The following TMEM108 variants were observed in gnomAD, a reference collection of about 807,000 sequenced individuals.
TMEM108 encodes transmembrane protein 108.
TMEM108 carries 12 observed loss-of-function variants against 35.1 expected under a neutral mutation model. The ratio of observed to expected loss-of-function variants is 0.34; its 90% confidence interval spans 0.22 to 0.55. TMEM108 has a LOEUF of 0.55. Among genes scored for constraint, TMEM108 ranks in the 20% least tolerant of loss-of-function variants. The pLI is 0.89. For missense variants in TMEM108, 680 were observed against 753.3 expected, an observed-to-expected ratio of 0.90 and a Z score of 1.14; for synonymous variants, 287 against 308.6, an observed-to-expected ratio of 0.93 and a Z score of 0.73.
intron 1 of TMEM108, among the ~76,000 whole-genome samples, chr3:133,042,273 C>A (rs1008766339): frequency 3.3e-5 from 5 of 152,156 alleles, no homozygotes; most frequent in Non-Finnish European, 7.4e-5. Flanking sequence ...TTGTGTAGTT[C>A]CCATCCTATG....
intron 3 of TMEM108, among the ~76,000 whole-genome samples, chr3:133,375,470 A>G (rs186896930): frequency 2.6e-5 from 4 of 152,348 alleles, no homozygotes; most frequent in East Asian, 1.9e-4. Flanking sequence ...TCTAGAGTCC[A>G]TTATGCAAAT....
At chr3:133,059,823 T>G (rs1943516220) in intron 2 of TMEM108, among the ~76,000 whole-genome samples, 1 of 152,126 alleles carries the variant, frequency 6.6e-6, no homozygotes, top group Non-Finnish European at 1.5e-5. Flanking sequence ...GCCAGATCAT[T>G]TTTTTTGAGG....
At chr3:133,070,263 T>C (rs1226852320) in intron 2 of TMEM108, among the ~76,000 whole-genome samples, 1 of 152,114 alleles carries the variant, frequency 6.6e-6, no homozygotes, top group African/African-American at 2.4e-5. Context: ...GTATGAGATA[T>C]TGTGCCTGTC....
At chr3:133,203,538 A>C (rs1421360171) in intron 2 of TMEM108, among the ~76,000 whole-genome samples, 3 of 152,208 alleles carry the variant, frequency 2.0e-5, no homozygotes, top group Admixed American at 2.0e-4. Flanking sequence ...CCTTTTCTGC[A>C]TCTATTGAGA....
At chr3:133,255,185 T>A (rs1946528247) in intron 3 of TMEM108, among the ~76,000 whole-genome samples, 1 of 152,228 alleles carries the variant, frequency 6.6e-6, no homozygotes, top group African/African-American at 2.4e-5. Context: ...ATTTCATTTC[T>A]TGATGAGGAT....
chr3:133,173,573 T>C (rs1945162565), intron 2 of TMEM108, among the ~76,000 whole-genome samples: 1 of 152,274 alleles, frequency 6.6e-6, no homozygotes, highest in African/African-American at 2.4e-5. Context: ...ATTCCTTCCA[T>C]TGTCCACATT....
Position 133,065,549 on chromosome 3 carries a change from C to A in TMEM108, c.-47+19529C>A, listed in dbSNP as rs374314048. ...TTCTTCCTAAAAATAAATGAAAGGA[C>A]CTTGACATAAGGTGCATATTTTCTA... On this transcript the variant is annotated intron_variant, in intron 2 of 5. Coordinates refer to ENST00000321871, the MANE Select transcript of TMEM108 (RefSeq NM_023943.4). Among the ~76,000 whole-genome samples the A allele has an allele frequency of 4.6e-5, 7 of 152,142 alleles. No individual in the cohort carries two copies. In the East Asian group the frequency reaches 1.4e-3, roughly 29 times the overall value.
chr3:133,321,310 A>C (rs966269736), intron 3 of TMEM108, among the ~76,000 whole-genome samples: 1 of 152,208 alleles, frequency 6.6e-6, no homozygotes, highest in Non-Finnish European at 1.5e-5. Context: ...CTTAAGGTAA[A>C]GTGGTGGGGA....
At chr3:133,308,701 G>T (rs1043619421) in intron 3 of TMEM108, among the ~76,000 whole-genome samples, 2 of 152,140 alleles carry the variant, frequency 1.3e-5, no homozygotes, top group African/African-American at 4.8e-5. Context: ...TTGCATCCGC[G>T]GGGTGAAGCC....
At chr3:133,313,283 C>T (rs1240652597) in intron 3 of TMEM108, among the ~76,000 whole-genome samples, 5 of 151,800 alleles carry the variant, frequency 3.3e-5, no homozygotes, top group South Asian at 2.1e-4. Context: ...CTGCAAGCTC[C>T]GCCTCCCGGG....
chr3:133,150,828 G>A (rs947766394), intron 2 of TMEM108, among the ~76,000 whole-genome samples: 5 of 152,116 alleles, frequency 3.3e-5, no homozygotes, highest in Admixed American at 6.6e-5. Context: ...CTAGGCCACA[G>A]TCAAGAAGAC....
chr3:133,310,168 T>G (rs2071105355), intron 3 of TMEM108, among the ~76,000 whole-genome samples: 2 of 152,208 alleles, frequency 1.3e-5, no homozygotes, highest in Admixed American at 6.5e-5. Flanking sequence ...CTGAGAAGAA[T>G]GTATATTCTG....
At chr3:133,333,362 C>T (rs996795579) in intron 3 of TMEM108, among the ~76,000 whole-genome samples, 1 of 134,484 alleles carries the variant, frequency 7.4e-6, no homozygotes, top group Non-Finnish European at 1.7e-5. Flanking sequence ...ATTCCCTGGC[C>T]CCTCTTTCAA....
At chr3:133,152,373 T>C (rs1274208566) in intron 2 of TMEM108, among the ~76,000 whole-genome samples, 1 of 152,208 alleles carries the variant, frequency 6.6e-6, no homozygotes, top group Non-Finnish European at 1.5e-5. Context: ...CTTCATCTAT[T>C]TTGTTCAAGA....
chr3:133,228,527 TAAAG>T (rs1946107480), intron 2 of TMEM108, among the ~76,000 whole-genome samples: 3 of 152,140 alleles, frequency 2.0e-5, no homozygotes, highest in African/African-American at 4.8e-5. Flanking sequence ...GAATTTATCT[TAAAG>T]AAACACATTT....
At chr3:133,046,365 T>A (rs1943340641) in intron 2 of TMEM108, among the ~76,000 whole-genome samples, 1 of 152,216 alleles carries the variant, frequency 6.6e-6, no homozygotes, top group African/African-American at 2.4e-5. Context: ...TATAGCCATG[T>A]CATATGTTAG....
Position 133,363,518 on chromosome 3 carries a change from A to C in TMEM108, c.41-16234A>C, listed in dbSNP as rs1256336625. 1.5e-4 allele frequency among the ~76,000 whole-genome samples: 22 copies of C among 151,346 alleles called. 1 individual carries two copies. ...CCTCCTGGGCTCAAGCGATCCTCCC[A>C]CCTCAGCCACCTGAGTAACTGGGAC... On this transcript the variant is annotated intron_variant, in intron 3 of 5. Transcript: ENST00000321871.
Position 133,249,751 on chromosome 3 carries a change from A to T in TMEM108, c.40+20400A>T, listed in dbSNP as rs531105169. Among the ~76,000 whole-genome samples the T allele has an allele frequency of 1.7e-4, 26 of 152,256 alleles. No homozygotes were observed. The South Asian group carries it at 5.2e-3, about 30-fold the overall frequency. On this transcript the variant is annotated intron_variant, in intron 3 of 5. Transcript: ENST00000321871. The stretch of plus-strand genomic sequence containing the variant: ...TTGATTCCACGTCTTTGTTATGGTG[A>T]ATAGTGCTGAGATGAACATATAAAG...
At chr3:133,092,190 T>C (rs1943955492) in intron 2 of TMEM108, among the ~76,000 whole-genome samples, 1 of 152,186 alleles carries the variant, frequency 6.6e-6, no homozygotes, top group African/African-American at 2.4e-5. Flanking sequence ...TTATAAACAG[T>C]TTAGTAATAC....
Sources: allele counts gnomAD v4.1 joint callset (sites outside exome capture counted in the v4.1 genomes callset), GRCh38; gene constraint gnomAD v4.1.1; transcripts MANE v1.5; gene names NCBI Gene and HGNC (gene_info 2026-07-23, HGNC 2026-07-21).